NAV2: variants seen among roughly 807,000 people sequenced by gnomAD.
NAV2 encodes helicase, APC down-regulated 1.
Under a neutral mutation model 223.2 loss-of-function variants are expected in NAV2, and 54 were observed. That is an observed-to-expected ratio of 0.24 (90% CI 0.19 to 0.30). The LOEUF (loss-of-function observed/expected upper bound fraction) is 0.30. Among genes scored for constraint, NAV2 ranks in the 10% least tolerant of loss-of-function variants. The pLI is 1.00. For synonymous variants in NAV2, 1,279 were observed against 1,239.3 expected, an observed-to-expected ratio of 1.03 and a Z score of -0.67; for missense variants, 2,806 against 3,147.5, an observed-to-expected ratio of 0.89 and a Z score of 2.60.
chr11:19,935,849 C>CTTTTTTTTT (rs1565594361), intron 7 of NAV2, among the ~76,000 whole-genome samples: 8 of 69,434 alleles, frequency 1.2e-4, no homozygotes, highest in Non-Finnish European at 2.7e-4. Context: ...TGTTTTGTTT[C>CTTTTTTTTT]TGTTTTTTTT....
chr11:19,654,444 G>A (rs540431950), intron 1 of NAV2, among the ~76,000 whole-genome samples: 175 of 152,150 alleles, frequency 1.2e-3, no homozygotes, highest in African/African-American at 3.6e-3. Flanking sequence ...GTCAATCATA[G>A]GCCAAAAGAA....
chr11:19,910,977 T>C (rs188278050), intron 6 of NAV2, among the ~76,000 whole-genome samples: 76 of 152,092 alleles, frequency 5.0e-4, no homozygotes, highest in African/African-American at 1.6e-3. Flanking sequence ...AAGTGTAAGG[T>C]AATGCTTAAT....
In NAV2 at chr11:19,846,830, C is replaced by T. The variant is rs560383728; in HGVS notation, c.438+3907C>T. ...GTAACCCAAAGGCAGAGAGGCACAG[C>T]AGTGGCTTCCCTTTCCTGGAGCAAG... On this transcript the variant is annotated intron_variant, in intron 3 of 37. Transcript: ENST00000349880. Among the ~76,000 whole-genome samples the T allele has an allele frequency of 8.5e-5, 13 of 152,294 alleles. No individual in the cohort carries two copies. In the East Asian group the frequency reaches 2.5e-3, roughly 30 times the overall value.
At chr11:19,928,875 C>T (rs1565576870) in intron 6 of NAV2, among the ~76,000 whole-genome samples, 1 of 152,140 alleles carries the variant, frequency 6.6e-6, no homozygotes, top group Non-Finnish European at 1.5e-5. Flanking sequence ...CCTACCCACC[C>T]ACACCTCCCC....
At chr11:19,769,368 T>C (rs2055516424) in intron 1 of NAV2, among the ~76,000 whole-genome samples, 1 of 152,220 alleles carries the variant, frequency 6.6e-6, no homozygotes, top group Non-Finnish European at 1.5e-5. Context: ...AAGCAAGTCA[T>C]TAGCAGCACT....
At chr11:20,114,874 A>C (rs886313389) in intron 37 of NAV2, 79 bp downstream of exon 37, 4 of 1,363,284 alleles carry the variant, frequency 2.9e-6, no homozygotes, top group Non-Finnish European at 2.0e-6. Flanking sequence ...AGCCTCTGGA[A>C]ATACAAAGGT....
At chr11:19,913,787 A>G (rs981232296) in intron 6 of NAV2, among the ~76,000 whole-genome samples, 2 of 152,180 alleles carry the variant, frequency 1.3e-5, no homozygotes, top group African/African-American at 2.4e-5. Context: ...TACTTTGATC[A>G]AACGATAGTT....
At chr11:19,397,184 T>A (rs1590120973) in intron 1 of NAV2, among the ~76,000 whole-genome samples, 1 of 152,202 alleles carries the variant, frequency 6.6e-6, no homozygotes, top group East Asian at 1.9e-4. Flanking sequence ...AAGAGGGAAC[T>A]GATGTGTTTA....
At chr11:19,774,153 T>C (rs752748255) in intron 1 of NAV2, among the ~76,000 whole-genome samples, 5 of 152,208 alleles carry the variant, frequency 3.3e-5, no homozygotes, top group Non-Finnish European at 5.9e-5. Flanking sequence ...AGTCCTTCCA[T>C]GCTCCCCAGC....
chr11:19,701,500 T>C (rs547549320), intron 1 of NAV2, among the ~76,000 whole-genome samples: 4 of 152,210 alleles, frequency 2.6e-5, no homozygotes, highest in Non-Finnish European at 4.4e-5. Flanking sequence ...TTTGAAAAGA[T>C]GGACTTTGTG....
At chr11:19,493,085 A>G (rs1048546105) in intron 1 of NAV2, among the ~76,000 whole-genome samples, 2 of 152,180 alleles carry the variant, frequency 1.3e-5, no homozygotes, top group African/African-American at 4.8e-5. Context: ...AAATTAAAGA[A>G]TGTACATAAG....
intron 1 of NAV2, among the ~76,000 whole-genome samples, chr11:19,549,561 C>G (rs1429872540): frequency 6.6e-6 from 1 of 152,206 alleles, no homozygotes; most frequent in Admixed American, 6.5e-5. Flanking sequence ...AGCACAACCC[C>G]CCTCCTACCA....
chr11:19,817,066 C>T (rs1300246388), intron 1 of NAV2, among the ~76,000 whole-genome samples: 2 of 152,172 alleles, frequency 1.3e-5, no homozygotes, highest in African/African-American at 4.8e-5. Flanking sequence ...AACTACCCAC[C>T]ACCCCACTGC....
intron 10 of NAV2, among the ~76,000 whole-genome samples, chr11:19,952,368 G>A (rs1196203242): frequency 1.3e-5 from 2 of 152,170 alleles, no homozygotes; most frequent in Non-Finnish European, 2.9e-5. Context: ...CAATTAATAT[G>A]GTTTTTAAAC....
chr11:19,964,520 C>A (rs150869265), intron 10 of NAV2, among the ~76,000 whole-genome samples: 1 of 147,786 alleles, frequency 6.8e-6, no homozygotes, highest in Non-Finnish European at 1.5e-5. Context: ...GAGACAGGAG[C>A]TTAGGAGCTC....
At chr11:19,992,150 C>G (rs1236706888) in intron 11 of NAV2, among the ~76,000 whole-genome samples, 1 of 152,240 alleles carries the variant, frequency 6.6e-6, no homozygotes. Flanking sequence ...CAGTGAAAGT[C>G]ATTTTCATTT....
chr11:19,687,527 C>T (rs567348582), intron 1 of NAV2, among the ~76,000 whole-genome samples: 2 of 152,320 alleles, frequency 1.3e-5, no homozygotes, highest in African/African-American at 4.8e-5. Flanking sequence ...ATCATTATCT[C>T]CCAGGTCCTG....
In NAV2 at chr11:19,959,643, C is replaced by T. The variant is rs568936727; in HGVS notation, c.2645+10563C>T. 2.6e-5 allele frequency among the ~76,000 whole-genome samples: 4 copies of T among 152,302 alleles called. 1 individual carries two copies. The highest frequency in any genetic ancestry group is 9.6e-5 in the African/African-American group (4 of 41,552). ...TTCAATCTGATATAACCAAATTCAG[C>T]GCATCGTGCAGGATAAAAGTACTTA... On this transcript the variant is annotated intron_variant, in intron 10 of 37. Coordinates refer to ENST00000349880, the MANE Select transcript of NAV2 (RefSeq NM_145117.5).
chr11:19,469,625 G>C (rs2041899363), intron 1 of NAV2, among the ~76,000 whole-genome samples: 5 of 152,160 alleles, frequency 3.3e-5, no homozygotes, highest in Admixed American at 3.3e-4. Context: ...TCACTTGCAG[G>C]ATCCCGGCAG....
Sources: gnomAD v4.1 joint callset for allele counts (sites outside exome capture counted in the v4.1 genomes callset) on GRCh38, gnomAD v4.1.1 for gene constraint, MANE v1.5 for transcripts, NCBI Gene and HGNC (gene_info 2026-07-23, HGNC 2026-07-21) for gene names.